Variants in PABIR3 observed in about 807,000 individuals in gnomAD.
PABIR3 encodes the protein PABIR family member 3, also known as PABIR family member 1.
PABIR3 carries 20 observed loss-of-function variants against 23.1 expected under a neutral mutation model. The ratio of observed to expected loss-of-function variants is 0.86; its 90% CI spans 0.61 to 1.26. PABIR3 has a LOEUF of 1.26. Ranked by LOEUF, PABIR3 falls within the 50% of genes most tolerant of loss-of-function variation. The probability of loss-of-function intolerance (pLI) is 0.00; values close to 1 mark genes in which losing one functional copy is unlikely to be tolerated. For missense variants in PABIR3, 189 were observed against 195.4 expected (o/e 0.97, Z 0.20); for synonymous variants, 69 against 68.5 (o/e 1.01, Z -0.04).
chrX:134,815,113 A>C (rs932316550), intron 3 of PABIR3, among the ~76,000 whole-genome samples: 10 of 112,011 alleles, frequency 8.9e-5, no homozygotes, highest in African/African-American at 2.9e-4. Context: ...TGATTGCTGC[A>C]GCTGCAACAG....
At chrX:134,841,993 T>C (rs1209436097) in intron 4 of PABIR3, among the ~76,000 whole-genome samples, 1 of 110,956 alleles carries the variant, frequency 9.0e-6, no homozygotes, top group Non-Finnish European at 1.9e-5. Flanking sequence ...TCTCAAAAAA[T>C]ATATAAAAGC....
chrX:134,853,733 C>G (rs750082029), intron 10 of PABIR3, among the ~76,000 whole-genome samples: 152 of 110,714 alleles, frequency 1.4e-3, no homozygotes, highest in African/African-American at 4.7e-3. Flanking sequence ...AATTCTCCTG[C>G]CTCAGCCTCC....
intron 1 of PABIR3, among the ~76,000 whole-genome samples, chrX:134,800,676 G>A (rs2080042931): frequency 9.0e-6 from 1 of 111,385 alleles, no homozygotes; most frequent in South Asian, 3.8e-4. Flanking sequence ...TGTAGTCCCA[G>A]CTACTCAGGA....
chrX:134,849,832 C>G (rs1418717354), intron 9 of PABIR3, among the ~76,000 whole-genome samples: 1 of 100,560 alleles, frequency 9.9e-6, no homozygotes, highest in Non-Finnish European at 2.0e-5. Flanking sequence ...CTGGATCCCA[C>G]TTCTCAATGG....
At position 134,854,203 on chromosome X, in the gene PABIR3, T is replaced by C; in HGVS notation, c.799T>C (p.Ser267Pro). The stretch of plus-strand genomic sequence containing the variant: ...TCCTGTGTCACCTTCTGATACTGGT[T>C]CTCATTTGTTCTAGTAGACAAACTT... Reference protein sequence around the residue: ...NSPVSPSDTGSHLF With the variant: ...NSPVSPSDTGPHLF The change falls in exon 11 of 11, where the codon TCT becomes CCT. Residue 267 changes from serine (S) to proline (P), a missense_variant. Physicochemically the swap from Ser to Pro is moderately conservative, Grantham distance 74. Transcript: ENST00000645433. 8.3e-7 allele frequency: 1 copy of C among 1,209,233 alleles called. No homozygotes were observed. The highest frequency in any genetic ancestry group is 1.1e-6 in the Non-Finnish European group (1 of 894,363).
intron 1 of PABIR3, among the ~76,000 whole-genome samples, chrX:134,800,835 G>C (rs1372610790): frequency 8.9e-6 from 1 of 112,186 alleles, no homozygotes; most frequent in Non-Finnish European, 1.9e-5. Context: ...TTTAAACATG[G>C]ACACATGAGG....
intron 2 of PABIR3, 37 bp from the exon 3 acceptor site, chrX:134,814,734 G>T: frequency 2.0e-6 from 2 of 1,010,740 alleles, no homozygotes; most frequent in Non-Finnish European, 1.4e-6. Flanking sequence ...TTTTGTAATG[G>T]ATTTTATATA....
chrX:134,818,930 CTTTCT>C (rs1241823504), intron 3 of PABIR3, among the ~76,000 whole-genome samples: 1 of 87,211 alleles, frequency 1.1e-5, no homozygotes, highest in Admixed American at 1.3e-4. Context: ...GATATTTTTT[CTTTCT>C]TTTTTTTTTT....
At chrX:134,820,508 G>A (rs2081210929) in intron 3 of PABIR3, among the ~76,000 whole-genome samples, 1 of 110,789 alleles carries the variant, frequency 9.0e-6, no homozygotes, top group Non-Finnish European at 1.9e-5. Context: ...AGGAGGGAAT[G>A]GGGAGTTGTT....
chrX:134,808,680 T>C (rs971644044), intron 2 of PABIR3, among the ~76,000 whole-genome samples: 1 of 112,331 alleles, frequency 8.9e-6, no homozygotes, highest in Admixed American at 9.4e-5. Context: ...GTGCCCGGCC[T>C]AATTTTTTGT....
intron 3 of PABIR3, 114 bp downstream of exon 3, chrX:134,814,963 A>G: frequency 1.8e-6 from 1 of 542,984 alleles, no homozygotes; most frequent in East Asian, 3.7e-5. Context: ...ACAGATGGCC[A>G]GCGGGAGTCT....
intron 3 of PABIR3, among the ~76,000 whole-genome samples, chrX:134,825,807 C>T (rs2081475890): frequency 1.9e-5 from 2 of 105,411 alleles, no homozygotes; most frequent in South Asian, 4.4e-4. Context: ...AGATTATAGG[C>T]GCCTGCTACC....
In PABIR3 at chrX:134,845,634, G is replaced by A. The variant is rs376873270; in HGVS notation, c.345+233G>A. 9.3e-4 allele frequency among the ~76,000 whole-genome samples: 103 copies of A among 111,350 alleles called. 1 individual carries two copies. The South Asian group carries it at 0.038, about 41-fold the overall frequency. Reference sequence around the variant, plus strand: ...ACTCCTGAGCTCAATGGATCGTCCTGCCTCAACCTCCCAAAATGCTAGGAT... The same window carrying A: ...ACTCCTGAGCTCAATGGATCGTCCTACCTCAACCTCCCAAAATGCTAGGAT... On this transcript the variant is annotated intron_variant, in intron 6 of 10. Coordinates refer to ENST00000645433, the MANE Select transcript of PABIR3 (RefSeq NM_001388447.1).
At chrX:134,859,532 A>G (rs779992340), downstream of PABIR3, among the ~76,000 whole-genome samples, 2 of 111,229 alleles carry the variant, frequency 1.8e-5, no homozygotes, top group South Asian at 7.7e-4. Context: ...TCACCATAAA[A>G]TTTTCATTGT....
At chrX:134,860,506 G>A in the PABIR3 span, among the ~76,000 whole-genome samples, 2 of 111,608 alleles carry the variant, frequency 1.8e-5, no homozygotes, top group African/African-American at 6.5e-5. Flanking sequence ...TTACTGTGGT[G>A]GAGTCCTATT....
chrX:134,830,688 G>C (rs1356036166), intron 4 of PABIR3, among the ~76,000 whole-genome samples: 1 of 110,646 alleles, frequency 9.0e-6, no homozygotes, highest in Non-Finnish European at 1.9e-5. Flanking sequence ...TTTGTATGTA[G>C]CTATTTTAGA....
the PABIR3 span, among the ~76,000 whole-genome samples, chrX:134,861,904 A>AC: frequency 6.4e-5 from 7 of 110,116 alleles, no homozygotes; most frequent in African/African-American, 2.3e-4. Flanking sequence ...AAACTGTTTA[A>AC]CCCACATTCT....
chrX:134,799,276 A>C (rs1246118780), intron 1 of PABIR3, among the ~76,000 whole-genome samples: 1 of 112,335 alleles, frequency 8.9e-6, no homozygotes, highest in Non-Finnish European at 1.9e-5. Context: ...GAGCTGACAA[A>C]AAATGAAGGA....
upstream of PABIR3, among the ~76,000 whole-genome samples, chrX:134,803,140 T>C (rs1204054752): frequency 8.9e-6 from 1 of 111,841 alleles, no homozygotes; most frequent in African/African-American, 3.3e-5. Flanking sequence ...AGAGAAGGTA[T>C]GGAAGTATGT....
Sources: gnomAD v4.1 joint callset for allele counts (sites outside exome capture counted in the v4.1 genomes callset) on GRCh38, gnomAD v4.1.1 for gene constraint, MANE v1.5 for transcripts, NCBI Gene and HGNC (gene_info 2026-07-23, HGNC 2026-07-21) for gene names.